KAZN: variants seen among roughly 807,000 people sequenced by gnomAD.
KAZN encodes the protein kazrin.
Under a neutral mutation model 87.4 loss-of-function variants are expected in KAZN, and 40 were observed. The observed-to-expected ratio is 0.46, with a 90% CI of 0.36 to 0.60. KAZN has a LOEUF of 0.60. Ranked by LOEUF, KAZN falls within the 20% of genes least tolerant of loss-of-function variation. The pLI is 0.00. For synonymous variants in KAZN, 466 were observed against 458.3 expected, an observed-to-expected ratio of 1.02 and a Z score of -0.22; for missense variants, 898 against 1,073.9, an observed-to-expected ratio of 0.84 and a Z score of 2.29.
intron 1 of KAZN, among the ~76,000 whole-genome samples, chr1:14,091,268 T>A (rs1035293767): frequency 1.3e-5 from 2 of 152,150 alleles, no homozygotes; most frequent in African/African-American, 2.4e-5. Flanking sequence ...CCAGGCTCTG[T>A]GTGGTTCCCT....
At chr1:14,410,416 T>TG (rs1430911924) in intron 2 of KAZN, among the ~76,000 whole-genome samples, 1 of 152,140 alleles carries the variant, frequency 6.6e-6, no homozygotes, top group Non-Finnish European at 1.5e-5. Context: ...TTACTTTTAA[T>TG]AGGAGTTCCA....
intron 2 of KAZN, among the ~76,000 whole-genome samples, chr1:14,257,959 T>TAAAAAAAAAAAAAAAAAAAAAAAA (rs1168366132): frequency 3.5e-5 from 1 of 28,734 alleles, no homozygotes; most frequent in African/African-American, 1.1e-4. Flanking sequence ...AAAAAAACAT[T>TAAAAAAAAAAAAAAAAAAAAAAAA]AAAAAAAAAA....
intron 1 of KAZN, among the ~76,000 whole-genome samples, chr1:14,739,004 C>T (rs540158661): frequency 2.6e-5 from 4 of 152,102 alleles, no homozygotes; most frequent in Non-Finnish European, 5.9e-5. Context: ...GAAACCTCAT[C>T]TCTATTAAAA....
At chr1:14,020,165 C>T (rs1640759405) in intron 1 of KAZN, among the ~76,000 whole-genome samples, 1 of 152,166 alleles carries the variant, frequency 6.6e-6, no homozygotes, top group Admixed American at 6.5e-5. Flanking sequence ...TGCCACTGAT[C>T]TGACAGGAGG....
At chr1:14,064,264 A>G (rs944008129) in intron 1 of KAZN, among the ~76,000 whole-genome samples, 1 of 152,116 alleles carries the variant, frequency 6.6e-6, no homozygotes, top group Non-Finnish European at 1.5e-5. Context: ...TCACCTCCTG[A>G]CGAGGGGAGG....
rs1640606772 is a variant in KAZN at position 15,092,596 on chromosome 1, T to C, written c.1223-1584T>C. Among the ~76,000 whole-genome samples, 4 of 152,094 alleles carry C rather than the reference T, an allele frequency of 2.6e-5. No homozygotes were observed. The South Asian group carries it at 8.3e-4, about 32-fold the overall frequency. On this transcript the variant is annotated intron_variant, in intron 8 of 14. Transcript: ENST00000376030. ...AAAAGATCCTCCTACCTCAGCCTCC[T>C]GAGCAGCTGGGACCCCAGGCACACG...
intron 1 of KAZN, among the ~76,000 whole-genome samples, chr1:13,902,105 C>G (rs1639273386): frequency 6.6e-6 from 1 of 152,236 alleles, no homozygotes; most frequent in South Asian, 2.1e-4. Flanking sequence ...GGCTCTCTGC[C>G]CTTGATGGTG....
At chr1:14,068,059 A>G (rs1441791050) in intron 1 of KAZN, among the ~76,000 whole-genome samples, 2 of 152,088 alleles carry the variant, frequency 1.3e-5, no homozygotes. Context: ...CAACTCCTGG[A>G]TTTAGGGGTA....
chr1:14,564,948 C>T (rs1338624621), intron 2 of KAZN, among the ~76,000 whole-genome samples: 1 of 152,186 alleles, frequency 6.6e-6, no homozygotes, highest in Non-Finnish European at 1.5e-5. Context: ...CCAAGACAGA[C>T]ACTATCGACA....
At chr1:13,893,893 T>A (rs1417539190) in intron 1 of KAZN, 158 of 1,084,592 alleles carry the variant, frequency 1.5e-4, no homozygotes, top group Non-Finnish European at 1.3e-5. Context: ...ATGTGGGATG[T>A]AAGACTTAAC....
At chr1:15,059,413 T>G (rs1344998337) in intron 5 of KAZN, among the ~76,000 whole-genome samples, 1 of 152,220 alleles carries the variant, frequency 6.6e-6, no homozygotes, top group Non-Finnish European at 1.5e-5. Context: ...AAGGCTGATG[T>G]GGCTCTAGCC....
At chr1:14,643,296 T>C (rs1436401479) in intron 1 of KAZN, among the ~76,000 whole-genome samples, 1 of 152,178 alleles carries the variant, frequency 6.6e-6, no homozygotes, top group Non-Finnish European at 1.5e-5. Context: ...CCAATAGTTA[T>C]CCTTTCTGCT....
chr1:13,982,747 A>T (rs765831608), intron 1 of KAZN, among the ~76,000 whole-genome samples: 2 of 152,186 alleles, frequency 1.3e-5, no homozygotes, highest in Non-Finnish European at 2.9e-5. Flanking sequence ...AGGTTCTCCA[A>T]GGCCCCACCA....
Position 14,614,919 on chromosome 1 carries a change from G to A in KAZN, c.226+15696G>A, listed in dbSNP as rs112720481. On this transcript the variant is annotated intron_variant, in intron 1 of 14. Coordinates refer to ENST00000376030, the MANE Select transcript of KAZN (RefSeq NM_201628.3). The stretch of plus-strand genomic sequence containing the variant: ...TTAACACTTCCTAGCTCGGTGAGGC[G>A]GGCAAGTTGCTTTACTAAAATAGGC... Among the ~76,000 whole-genome samples the A allele has an allele frequency of 3.5e-3, 535 of 152,336 alleles. 11 individuals are homozygous for A. The East Asian group carries it at 0.042, about 12-fold the overall frequency.
intron 1 of KAZN, among the ~76,000 whole-genome samples, chr1:13,919,100 T>C (rs1483882922): frequency 6.6e-6 from 1 of 152,244 alleles, no homozygotes; most frequent in Non-Finnish European, 1.5e-5. Flanking sequence ...AGAAGTGTAC[T>C]ATGGCTCAGT....
intron 2 of KAZN, among the ~76,000 whole-genome samples, chr1:14,418,304 C>T (rs1046364862): frequency 6.6e-6 from 1 of 152,144 alleles, no homozygotes; most frequent in Non-Finnish European, 1.5e-5. Flanking sequence ...TCTGAGTGTC[C>T]ATTTCCTCCC....
At chr1:14,552,806 A>G (rs1030108749) in intron 2 of KAZN, among the ~76,000 whole-genome samples, 4 of 152,156 alleles carry the variant, frequency 2.6e-5, no homozygotes, top group African/African-American at 9.7e-5. Context: ...TTTAAAATAT[A>G]TTATCTAATT....
chr1:14,196,421 C>T (rs1370996322), intron 2 of KAZN, among the ~76,000 whole-genome samples: 1 of 152,172 alleles, frequency 6.6e-6, no homozygotes, highest in African/African-American at 2.4e-5. Flanking sequence ...ACCATTACCT[C>T]TCCAAGGTGG....
At chr1:14,016,841 T>G (rs76374330) in intron 1 of KAZN, among the ~76,000 whole-genome samples, 3,430 of 152,314 alleles carry the variant, frequency 0.023, 128 homozygotes, top group African/African-American at 0.077. Flanking sequence ...TTTGCCTTTG[T>G]GCTGCTCTTA....
Sources: allele counts gnomAD v4.1 joint callset (sites outside exome capture counted in the v4.1 genomes callset), GRCh38; gene constraint gnomAD v4.1.1; transcripts MANE v1.5; gene names NCBI Gene and HGNC (gene_info 2026-07-23, HGNC 2026-07-21).